Variants in IL1RAPL1 observed in about 807,000 individuals in gnomAD.
IL1RAPL1 encodes interleukin 1 receptor accessory protein like 1.
IL1RAPL1 carries 3 observed loss-of-function variants against 48.4 expected under a neutral mutation model. The ratio of observed to expected loss-of-function variants is 0.06; its 90% CI spans 0.03 to 0.16. IL1RAPL1 has a LOEUF of 0.16. Ranked by LOEUF, IL1RAPL1 falls within the 10% of genes least tolerant of loss-of-function variation. The pLI, the probability that IL1RAPL1 is intolerant of heterozygous loss-of-function variation, is 1.00. For synonymous variants in IL1RAPL1, 185 were observed against 187.7 expected, an observed-to-expected ratio of 0.99 and a Z score of 0.12; for missense variants, 349 against 530.6, an observed-to-expected ratio of 0.66 and a Z score of 3.36.
chrX:29,313,600 A>G (rs995327918), intron 3 of IL1RAPL1, among the ~76,000 whole-genome samples: 8 of 111,665 alleles, frequency 7.2e-5, no homozygotes, highest in African/African-American at 3.3e-5. Context: ...TAAACACCCA[A>G]TAAGTGTTGG....
At chrX:28,898,166 A>G (rs1006186817) in intron 2 of IL1RAPL1, among the ~76,000 whole-genome samples, 2 of 112,051 alleles carry the variant, frequency 1.8e-5, no homozygotes, top group Non-Finnish European at 3.8e-5. Context: ...CAGAGGCCTG[A>G]CACAAATCCC....
intron 2 of IL1RAPL1, among the ~76,000 whole-genome samples, chrX:29,057,292 T>G (rs1447607617): frequency 3.6e-5 from 4 of 112,165 alleles, no homozygotes; most frequent in African/African-American, 1.3e-4. Flanking sequence ...TTATACATTT[T>G]TTAGTCTTTG....
chrX:29,611,485 A>C (rs1166365168), intron 5 of IL1RAPL1, among the ~76,000 whole-genome samples: 2 of 111,980 alleles, frequency 1.8e-5, no homozygotes, highest in African/African-American at 3.2e-5. Flanking sequence ...TATTTGATTG[A>C]TGTCTCATGC....
chrX:29,583,175 T>C, intron 5 of IL1RAPL1, among the ~76,000 whole-genome samples: 1 of 92,646 alleles, frequency 1.1e-5, no homozygotes, highest in Non-Finnish European at 2.1e-5. Context: ...GGATGCCCTC[T>C]CTCACCGCTC....
chrX:29,523,247 GT>G (rs1935520567), intron 5 of IL1RAPL1, among the ~76,000 whole-genome samples: 1 of 111,015 alleles, frequency 9.0e-6, no homozygotes, highest in South Asian at 3.8e-4. Flanking sequence ...TATGAGCCAG[GT>G]TTTTGGTAAT....
chrX:29,526,184 T>C (rs1276918231), intron 5 of IL1RAPL1, among the ~76,000 whole-genome samples: 1 of 111,929 alleles, frequency 8.9e-6, no homozygotes, highest in Non-Finnish European at 1.9e-5. Context: ...TGAACTCTGT[T>C]TCAGGATGTC....
At chrX:29,375,112 C>G (rs770310285) in intron 3 of IL1RAPL1, among the ~76,000 whole-genome samples, 84 of 107,962 alleles carry the variant, frequency 7.8e-4, no homozygotes, top group Admixed American at 1.2e-3. Flanking sequence ...CCCAAAATCC[C>G]TAGCCCTTTC....
At chrX:29,671,345 A>G (rs1405846932) in intron 6 of IL1RAPL1, among the ~76,000 whole-genome samples, 2 of 111,803 alleles carry the variant, frequency 1.8e-5, no homozygotes, top group African/African-American at 6.5e-5. Flanking sequence ...TGGTCATTTA[A>G]ATTCTTTTAT....
intron 6 of IL1RAPL1, among the ~76,000 whole-genome samples, chrX:29,849,436 A>T (rs990811431): frequency 1.8e-5 from 2 of 111,753 alleles, no homozygotes; most frequent in African/African-American, 6.5e-5. Context: ...TATTCTATGA[A>T]ATAGACAGGC....
intron 3 of IL1RAPL1, among the ~76,000 whole-genome samples, chrX:29,293,515 C>T (rs1000831405): frequency 2.8e-4 from 31 of 111,357 alleles, no homozygotes; most frequent in African/African-American, 8.8e-4. Flanking sequence ...GGAAAAGATA[C>T]ATTTGTAAAA....
chrX:28,754,964 G>A (rs893737079), intron 1 of IL1RAPL1, among the ~76,000 whole-genome samples: 1 of 111,434 alleles, frequency 9.0e-6, no homozygotes, highest in Non-Finnish European at 1.9e-5. Context: ...TTAAATATCT[G>A]CACAAATAAA....
chrX:29,742,232 C>T (rs1928224281), intron 6 of IL1RAPL1, among the ~76,000 whole-genome samples: 1 of 111,699 alleles, frequency 9.0e-6, no homozygotes. Context: ...AAGACAGTGC[C>T]TCTGACCGTT....
At chrX:29,408,219 T>G (rs1228028420) in intron 5 of IL1RAPL1, among the ~76,000 whole-genome samples, 1 of 111,596 alleles carries the variant, frequency 9.0e-6, no homozygotes, top group Non-Finnish European at 1.9e-5. Context: ...GATACATATT[T>G]TTGGATTTGT....
intron 5 of IL1RAPL1, among the ~76,000 whole-genome samples, chrX:29,618,108 C>G (rs1288705552): frequency 9.0e-6 from 1 of 111,570 alleles, no homozygotes; most frequent in Non-Finnish European, 1.9e-5. Flanking sequence ...TAAAATACAA[C>G]AAAAGAATTC....
chrX:28,942,189 AAG>A (rs1175212018), intron 2 of IL1RAPL1: 1 of 110,095 alleles, frequency 9.1e-6, no homozygotes, highest in African/African-American at 3.3e-5. Context: ...CAGTCTGGAC[AAG>A]ATTTTGAGAG....
chrX:29,295,296 C>T (rs1468855915), intron 3 of IL1RAPL1, among the ~76,000 whole-genome samples: 2 of 111,771 alleles, frequency 1.8e-5, no homozygotes, highest in Non-Finnish European at 3.8e-5. Flanking sequence ...GAAATAAAAT[C>T]GCCTACACTT....
At position 29,450,565 on chromosome X, in the gene IL1RAPL1, A is replaced by G. The variant is rs746695355; in HGVS notation, c.703+51257A>G. Among the ~76,000 whole-genome samples the G allele has an allele frequency of 8.9e-5, 10 of 112,075 alleles. No individual in the cohort carries two copies. The South Asian group carries it at 2.9e-3, about 33-fold the overall frequency. On this transcript the variant is annotated intron_variant, in intron 5 of 10. Coordinates refer to ENST00000378993, the MANE Select transcript of IL1RAPL1 (RefSeq NM_014271.4). The stretch of plus-strand genomic sequence containing the variant: ...AAGCACTTATCTAATACATATTCAT[A>G]TGTTTCATATAGAGGGATAGCTTTT...
At chrX:29,695,172 A>T (rs193082024) in intron 6 of IL1RAPL1, among the ~76,000 whole-genome samples, 45 of 112,142 alleles carry the variant, frequency 4.0e-4, no homozygotes, top group African/African-American at 1.3e-3. Context: ...ATGCTAAGAT[A>T]ATTATTTCAT....
At chrX:29,195,945 T>A (rs1336635194) in intron 2 of IL1RAPL1, among the ~76,000 whole-genome samples, 3 of 111,498 alleles carry the variant, frequency 2.7e-5, no homozygotes, top group Non-Finnish European at 3.8e-5. Context: ...ATTCCTAAAT[T>A]TCCTAGATAG....
Sources: gnomAD v4.1 joint callset for allele counts (sites outside exome capture counted in the v4.1 genomes callset) on GRCh38, gnomAD v4.1.1 for gene constraint, MANE v1.5 for transcripts, NCBI Gene and HGNC (gene_info 2026-07-23, HGNC 2026-07-21) for gene names.